Variants in TRIO observed in about 807,000 individuals in gnomAD.
The protein encoded by TRIO is trio Rho guanine nucleotide exchange factor, also known as triple functional domain protein.
In TRIO, 58 loss-of-function variants were observed where a neutral mutation model predicts 351.9. The ratio of observed to expected loss-of-function variants is 0.16; its 90% CI spans 0.13 to 0.21. The LOEUF (loss-of-function observed/expected upper bound fraction) is 0.21, where lower values mean the gene tolerates loss of function less well. Ranked by LOEUF, TRIO falls within the 10% of genes least tolerant of loss-of-function variation. TRIO has a pLI of 1.00. For missense variants in TRIO, 3,201 were observed against 4,027.8 expected (o/e 0.79, Z 5.56); for synonymous variants, 1,758 against 1,595.7 (o/e 1.10, Z -2.42).
In TRIO at chr5:14,143,436, C is replaced by T. The variant is rs1050287722; in HGVS notation, c.-290C>T. 6.7e-6 allele frequency among the ~76,000 whole-genome samples: 1 copy of T among 149,586 alleles called. No individual in the cohort carries two copies. The highest frequency in any genetic ancestry group is 2.4e-5 in the African/African-American group (1 of 41,074). On this transcript the variant is annotated 5_prime_UTR_variant, in exon 1 of 57. Coordinates refer to ENST00000344204, the MANE Select transcript of TRIO (RefSeq NM_007118.4). ...GCCCCCGCCCTCGCGACTGCGCGTC[C>T]GGGAGGCGCGTGCTGCTGCCCGCGC...
intron 1 of TRIO, among the ~76,000 whole-genome samples, chr5:14,187,991 C>T (rs1790227916): frequency 6.6e-6 from 1 of 152,160 alleles, no homozygotes; most frequent in Admixed American, 6.5e-5. Flanking sequence ...GATGGGAAAC[C>T]CGGATGTCTT....
chr5:14,412,621 T>C (rs752450198), intron 33 of TRIO, among the ~76,000 whole-genome samples: 25 of 152,212 alleles, frequency 1.6e-4, no homozygotes, highest in Non-Finnish European at 3.4e-4. Flanking sequence ...GAGAGGATGC[T>C]CTCTGCCTCC....
intron 1 of TRIO, among the ~76,000 whole-genome samples, chr5:14,161,510 G>A (rs920753542): frequency 5.3e-5 from 8 of 152,236 alleles, no homozygotes; most frequent in Non-Finnish European, 7.3e-5. Context: ...TCCTTCACTC[G>A]TGAGTTTGAG....
chr5:14,374,124 T>C lies in TRIO; in HGVS notation c.3217-105T>C, dbSNP rs2305103. 800 of 729,684 alleles carry C rather than the reference T, an allele frequency of 1.1e-3. 10 individuals carry two copies. The East Asian group carries it at 0.02, about 18-fold the overall frequency. The allele number at this position is 729,684 out of a possible 1,614,324, so 45.2% of individuals were successfully genotyped here. A position where few individuals can be genotyped will look rare whatever the true frequency, so the allele number is the denominator to read the frequency against. On this transcript the variant is annotated intron_variant, in intron 18 of 56. Coordinates refer to ENST00000344204, the MANE Select transcript of TRIO (RefSeq NM_007118.4). The stretch of plus-strand genomic sequence containing the variant: ...TTTTCTAAACCAGCAGGTGGCCAGA[T>C]AAATATTTTAGGTAAAGACATACGT...
intron 52 of TRIO, 21 bp from the exon 53 acceptor site, chr5:14,498,498 G>T (rs1188437488): frequency 1.2e-6 from 2 of 1,610,148 alleles, no homozygotes; most frequent in Non-Finnish European, 8.5e-7. Flanking sequence ...GATGCGCAGT[G>T]TGTTCCCATC....
rs370634993 is a variant in TRIO, at chr5:14,363,820, G to A, written c.2480G>A (p.Arg827His). 226 of 1,614,018 alleles carry A rather than the reference G, an allele frequency of 1.4e-4. No individual in the cohort carries two copies. The highest frequency in any genetic ancestry group is 1.8e-4 in the Non-Finnish European group (214 of 1,180,040). The stretch of plus-strand genomic sequence containing the variant: ...GAAGATCTCACGATTGCAGAGCAGC[G>A]CCTCCAGCACCATGCAGACAAAGCC... ...DTEDLTIAEQ[R>H]LQHHADKALT... The change falls in exon 14 of 57, where the codon CGC becomes CAC. Residue 827 changes from arginine to histidine, a missense_variant. This residue lies in a region of TRIO where 363 missense variants were observed against 553.5 expected (regional missense o/e 0.66). Coordinates refer to ENST00000344204, the MANE Select transcript of TRIO (RefSeq NM_007118.4).
Position 14,348,730 on chromosome 5 carries a change from A to T in TRIO, c.2047-9448A>T, listed in dbSNP as rs148065847. ...TTTATGTGTGTGTACGCACATGAGCATGTGTTTTTCCTCTGTGTGTGTACG... is the reference window on the plus strand; with the variant it reads ...TTTATGTGTGTGTACGCACATGAGCTTGTGTTTTTCCTCTGTGTGTGTACG... On this transcript the variant is annotated intron_variant, in intron 11 of 56. Coordinates refer to ENST00000344204, the MANE Select transcript of TRIO (RefSeq NM_007118.4). Among the ~76,000 whole-genome samples, 83 of 141,530 alleles carry T rather than the reference A, an allele frequency of 5.9e-4. No individual in the cohort carries two copies. In the East Asian group the frequency reaches 0.014, roughly 24 times the overall value. 92.8% of individuals were successfully genotyped at this position (141,530 alleles called of 152,430 possible).
At chr5:14,420,938 G>A (rs925829985) in intron 34 of TRIO, 1 of 152,198 alleles carries the variant, frequency 6.6e-6, no homozygotes, top group Non-Finnish European at 1.5e-5. Flanking sequence ...GCTAGCCAAG[G>A]CGAAAGAACT....
intron 1 of TRIO, among the ~76,000 whole-genome samples, chr5:14,230,875 G>GT (rs1793375777): frequency 6.6e-6 from 1 of 152,172 alleles, no homozygotes; most frequent in Non-Finnish European, 1.5e-5. Context: ...CTTATTGATT[G>GT]TTTTTTGAGC....
chr5:14,152,415 G>A (rs889446375), intron 1 of TRIO, among the ~76,000 whole-genome samples: 5 of 152,216 alleles, frequency 3.3e-5, no homozygotes, highest in South Asian at 2.1e-4. Context: ...CTGTCACCCA[G>A]GCTGGAGTGC....
At position 14,166,447 on chromosome 5, in the gene TRIO, C is replaced by T. The variant is rs569777958; in HGVS notation, c.157+22565C>T. On this transcript the variant is annotated intron_variant, in intron 1 of 56. Coordinates refer to ENST00000344204, the MANE Select transcript of TRIO (RefSeq NM_007118.4). ...AAATAAGTGTGATGCTTCTTAATTTCGGGGTAATTTAATCCCTTTTTCTAA... is the reference window on the plus strand; with the variant it reads ...AAATAAGTGTGATGCTTCTTAATTTTGGGGTAATTTAATCCCTTTTTCTAA... Among the ~76,000 whole-genome samples, 7 of 152,276 alleles carry T rather than the reference C, an allele frequency of 4.6e-5. No individual in the cohort carries two copies. In the South Asian group the frequency reaches 1.2e-3, roughly 27 times the overall value.
chr5:14,481,391 G>A (rs1755501725), intron 44 of TRIO, 107 bp downstream of exon 44: 1 of 1,505,078 alleles, frequency 6.6e-7, no homozygotes, highest in South Asian at 1.2e-5. Context: ...TCAAAGCAGT[G>A]GATGACAGAG....
intron 19 of TRIO, among the ~76,000 whole-genome samples, chr5:14,376,021 A>G (rs1161740462): frequency 6.6e-6 from 1 of 152,194 alleles, no homozygotes; most frequent in Non-Finnish European, 1.5e-5. Flanking sequence ...TATTGTCACC[A>G]TAAGAATATG....
chr5:14,402,279 G>C (rs1297658674), intron 31 of TRIO, among the ~76,000 whole-genome samples: 1 of 152,188 alleles, frequency 6.6e-6, no homozygotes, highest in African/African-American at 2.4e-5. Context: ...AATAGTGACA[G>C]ATACTTTAGC....
At chr5:14,212,188 T>C (rs892046702) in intron 1 of TRIO, among the ~76,000 whole-genome samples, 2 of 152,050 alleles carry the variant, frequency 1.3e-5, no homozygotes, top group Non-Finnish European at 2.9e-5. Context: ...AAATGTGTTA[T>C]TTATAGTTTG....
At chr5:14,313,465 T>G (rs1739101875) in intron 8 of TRIO, among the ~76,000 whole-genome samples, 1 of 152,198 alleles carries the variant, frequency 6.6e-6, no homozygotes, top group African/African-American at 2.4e-5. Context: ...TAGAAGAATA[T>G]TAATGGTGTC....
intron 30 of TRIO, 69 bp from the exon 31 acceptor site, chr5:14,400,894 C>T (rs1748019734): frequency 1.4e-6 from 2 of 1,464,722 alleles, no homozygotes; most frequent in African/African-American, 2.8e-5. Context: ...AACCTGTTTC[C>T]TTGGTCTCTG....
chr5:14,396,621 C>T (rs1745066619), intron 28 of TRIO, among the ~76,000 whole-genome samples: 1 of 150,992 alleles, frequency 6.6e-6, no homozygotes, highest in African/African-American at 2.4e-5. Context: ...AGGTGCATGC[C>T]ACCATGCCCA....
At chr5:14,224,271 T>G (rs1326192953) in intron 1 of TRIO, among the ~76,000 whole-genome samples, 1 of 152,096 alleles carries the variant, frequency 6.6e-6, no homozygotes, top group Admixed American at 6.5e-5. Flanking sequence ...TAAGTAGAAA[T>G]TCCTGCATTT....
Sources: gnomAD v4.1 joint callset for allele counts (sites outside exome capture counted in the v4.1 genomes callset) on GRCh38, gnomAD v4.1.1 for gene constraint, gnomAD v4.1.1 regional missense constraint, MANE v1.5 for transcripts, NCBI Gene and HGNC (gene_info 2026-07-23, HGNC 2026-07-21) for gene names.